Variants in PPFIA2 observed in about 807,000 individuals in gnomAD.
The protein encoded by PPFIA2 is liprin-alpha-2.
A neutral mutation model predicts 175.5 loss-of-function variants in PPFIA2; 46 were observed. The observed-to-expected ratio is 0.26, with a 90% CI of 0.21 to 0.34. PPFIA2 has a LOEUF of 0.34. Ranked by LOEUF, PPFIA2 falls within the 10% of genes least tolerant of loss-of-function variation. The pLI is 1.00. For missense variants in PPFIA2, 1,179 were observed against 1,506.1 expected, an observed-to-expected ratio of 0.78 and a Z score of 3.60; for synonymous variants, 568 against 511.4, an observed-to-expected ratio of 1.11 and a Z score of -1.49.
At chr12:81,600,982 A>C (rs1295374501) in intron 4 of PPFIA2, among the ~76,000 whole-genome samples, 1 of 151,988 alleles carries the variant, frequency 6.6e-6, no homozygotes, top group Non-Finnish European at 1.5e-5. Flanking sequence ...GTTTTTGGTA[A>C]AATATCACAT....
At chr12:81,312,762 G>C (rs1921050) in intron 22 of PPFIA2, among the ~76,000 whole-genome samples, 142,267 of 152,232 alleles carry the variant, frequency 0.93, 66,583 homozygotes, top group Non-Finnish European at 0.96. Context: ...CACAATCCCT[G>C]GCAATAGAAA....
intron 3 of PPFIA2, among the ~76,000 whole-genome samples, chr12:81,699,096 A>G (rs2076213504): frequency 2.0e-5 from 3 of 152,114 alleles, no homozygotes; most frequent in Non-Finnish European, 4.4e-5. Context: ...GAAAAATTTT[A>G]GAAATAAAAC....
At chr12:81,528,500 A>T (rs1237834749) in intron 4 of PPFIA2, among the ~76,000 whole-genome samples, 2 of 152,136 alleles carry the variant, frequency 1.3e-5, no homozygotes, top group Non-Finnish European at 2.9e-5. Context: ...GAGGGGAAAT[A>T]AAACAAGTTC....
At chr12:81,730,749 G>T (rs1316430566) in intron 3 of PPFIA2, among the ~76,000 whole-genome samples, 2 of 151,484 alleles carry the variant, frequency 1.3e-5, no homozygotes, top group African/African-American at 4.8e-5. Context: ...AACAAATTAG[G>T]AAATTTGTAA....
intron 4 of PPFIA2, among the ~76,000 whole-genome samples, chr12:81,536,386 T>C (rs1003247552): frequency 6.6e-6 from 1 of 151,568 alleles, no homozygotes; most frequent in Admixed American, 6.6e-5. Context: ...ATAAAAATAA[T>C]CGCTTTCAAT....
chr12:81,649,911 G>A (rs987141535), intron 4 of PPFIA2, among the ~76,000 whole-genome samples: 14 of 152,230 alleles, frequency 9.2e-5, no homozygotes, highest in African/African-American at 3.1e-4. Flanking sequence ...GGGGCCCAGG[G>A]AAATTTTTAG....
At chr12:81,297,814 C>T (rs1024573333) in intron 23 of PPFIA2, among the ~76,000 whole-genome samples, 3 of 152,154 alleles carry the variant, frequency 2.0e-5, no homozygotes, top group Non-Finnish European at 2.9e-5. Flanking sequence ...ATGGAATTCT[C>T]GCCTACACAA....
chr12:81,489,053 A>G (rs2059151359), intron 4 of PPFIA2, among the ~76,000 whole-genome samples: 1 of 151,868 alleles, frequency 6.6e-6, no homozygotes, highest in African/African-American at 2.4e-5. Context: ...GACCAGATAT[A>G]CCATTTACCA....
chr12:81,305,321 T>G (rs1051146255), intron 22 of PPFIA2, among the ~76,000 whole-genome samples: 1 of 152,196 alleles, frequency 6.6e-6, no homozygotes, highest in Non-Finnish European at 1.5e-5. Context: ...ATTCATTGTG[T>G]GTGCTACCAT....
chr12:81,453,177 G>A (rs1207661844), intron 5 of PPFIA2, among the ~76,000 whole-genome samples: 3 of 122,964 alleles, frequency 2.4e-5, no homozygotes, highest in African/African-American at 9.7e-5. Flanking sequence ...CCCAGAGTGT[G>A]ATATTCCCCT....
intron 4 of PPFIA2, among the ~76,000 whole-genome samples, chr12:81,535,155 G>C (rs1035896742): frequency 6.6e-6 from 1 of 151,738 alleles, no homozygotes; most frequent in African/African-American, 2.4e-5. Context: ...TGGGTGAAAT[G>C]TTGCCTAGTT....
chr12:81,570,832 G>C (rs1183568206), intron 4 of PPFIA2, among the ~76,000 whole-genome samples: 1 of 151,664 alleles, frequency 6.6e-6, no homozygotes, highest in African/African-American at 2.4e-5. Context: ...TCTACCAGGA[G>C]ATATCATCCC....
chr12:81,443,845 C>CTTT lies in PPFIA2; in HGVS notation c.570+1708_570+1710dup, dbSNP rs1183160145. Reference sequence around the variant, plus strand: ...ATACCTAGATCAAATGCCAACCTTTCTTTTTTTTTTTTTTTTTTTTTTTTT... The same window carrying CTTT: ...ATACCTAGATCAAATGCCAACCTTTCTTTTTTTTTTTTTTTTTTTTTTTTTTTT... On this transcript the variant is annotated intron_variant, in intron 6 of 32. Coordinates refer to ENST00000549396, the MANE Select transcript of PPFIA2 (RefSeq NM_003625.5). Among the ~76,000 whole-genome samples, 691 of 71,186 alleles carry CTTT rather than the reference C, an allele frequency of 9.7e-3. 114 individuals carry two copies. Among genetic ancestry groups the CTTT allele is most frequent in the Middle Eastern group, 0.02 (2 of 102 alleles). The allele number at this position is 71,186 out of a possible 152,430, so 46.7% of individuals were successfully genotyped here. A position where few individuals can be genotyped will look rare whatever the true frequency, so the allele number is the denominator to read the frequency against.
intron 22 of PPFIA2, among the ~76,000 whole-genome samples, chr12:81,306,791 G>A (rs773731778): frequency 1.6e-4 from 24 of 151,848 alleles, no homozygotes; most frequent in African/African-American, 2.9e-4. Context: ...ATCTGCTCAC[G>A]TCAGCTTCCC....
At chr12:81,370,989 T>C (rs1235378111) in intron 11 of PPFIA2, among the ~76,000 whole-genome samples, 4 of 151,956 alleles carry the variant, frequency 2.6e-5, no homozygotes, top group Non-Finnish European at 5.9e-5. Flanking sequence ...CCTATTCATT[T>C]GATTCAGATG....
At chr12:81,321,001 C>A (rs1209977634) in intron 22 of PPFIA2, among the ~76,000 whole-genome samples, 1 of 151,564 alleles carries the variant, frequency 6.6e-6, no homozygotes, top group Non-Finnish European at 1.5e-5. Context: ...TGAATAGACA[C>A]CTACTTACGG....
chr12:81,417,171 T>C (rs1175510549), intron 7 of PPFIA2: 4 of 151,760 alleles, frequency 2.6e-5, no homozygotes, highest in East Asian at 1.9e-4. Flanking sequence ...TTGGATGTTT[T>C]AGAACTAACA....
intron 4 of PPFIA2, among the ~76,000 whole-genome samples, chr12:81,606,515 C>A (rs1478141152): frequency 6.6e-6 from 1 of 151,834 alleles, no homozygotes; most frequent in Non-Finnish European, 1.5e-5. Flanking sequence ...AGCGATTTTG[C>A]CTGGTGTGAG....
At chr12:81,271,304 C>G (rs1364038727) in intron 28 of PPFIA2, among the ~76,000 whole-genome samples, 1 of 152,128 alleles carries the variant, frequency 6.6e-6, no homozygotes, top group African/African-American at 2.4e-5. Context: ...CAGTCTCACT[C>G]TTGTTGCCCA....
Sources: gnomAD v4.1 joint callset for allele counts (sites outside exome capture counted in the v4.1 genomes callset) on GRCh38, gnomAD v4.1.1 for gene constraint, MANE v1.5 for transcripts, NCBI Gene and HGNC (gene_info 2026-07-23, HGNC 2026-07-21) for gene names.